Variants in SUFU observed in about 807,000 individuals in gnomAD.
The protein encoded by SUFU is SUFU negative regulator of hedgehog signaling.
In SUFU, 7 loss-of-function variants were observed where a neutral mutation model predicts 58.9. The observed-to-expected ratio is 0.12, with a 90% CI of 0.07 to 0.22. The LOEUF is 0.22. Ranked by LOEUF, SUFU falls within the 10% of genes least tolerant of loss-of-function variation. The pLI is 1.00. For missense variants in SUFU, 451 were observed against 641.3 expected (o/e 0.70, Z 3.20); for synonymous variants, 232 against 254.8 (o/e 0.91, Z 0.85).
At chr10:102,591,878 G>T (rs2063406561) in intron 3 of SUFU, among the ~76,000 whole-genome samples, 1 of 152,212 alleles carries the variant, frequency 6.6e-6, no homozygotes, top group African/African-American at 2.4e-5. Context: ...TTGAAGTGCA[G>T]TGGTGAGCCT....
chr10:102,521,901 G>A (rs991630504), intron 2 of SUFU, among the ~76,000 whole-genome samples: 1 of 152,168 alleles, frequency 6.6e-6, no homozygotes, highest in African/African-American at 2.4e-5. Flanking sequence ...TTAGAAATGG[G>A]AGAAAACAAT....
intron 10 of SUFU, among the ~76,000 whole-genome samples, chr10:102,624,738 C>G (rs1350632646): frequency 6.6e-6 from 1 of 152,180 alleles, no homozygotes; most frequent in Non-Finnish European, 1.5e-5. Context: ...CAGTTCCAGA[C>G]CTTTGTCAGG....
intron 3 of SUFU, among the ~76,000 whole-genome samples, chr10:102,554,230 T>G (rs983989583): frequency 1.8e-4 from 27 of 152,018 alleles, no homozygotes; most frequent in African/African-American, 6.5e-4. Context: ...TGGTGAAACC[T>G]CGTCTCTACT....
intron 3 of SUFU, among the ~76,000 whole-genome samples, chr10:102,571,633 T>C (rs1033180060): frequency 1.3e-5 from 2 of 152,210 alleles, no homozygotes; most frequent in Non-Finnish European, 2.9e-5. Context: ...GAGGTTGCAG[T>C]GAGTCAAGAT....
chr10:102,618,447 CCG>C (rs1238733111), intron 10 of SUFU: 1 of 152,648 alleles, frequency 6.6e-6, no homozygotes, highest in Non-Finnish European at 1.5e-5. Context: ...CCCTCTTCTC[CCG>C]CCACCACCAA....
chr10:102,549,895 A>G (rs2135742752), intron 2 of SUFU, 75 bp from the exon 3 acceptor site: 1 of 1,587,076 alleles, frequency 6.3e-7, no homozygotes, highest in Non-Finnish European at 8.6e-7. Context: ...AAAAAGGGGG[A>G]GAACTTTAGA....
At chr10:102,547,875 G>A (rs1239904391) in intron 2 of SUFU, among the ~76,000 whole-genome samples, 1 of 152,122 alleles carries the variant, frequency 6.6e-6, no homozygotes, top group Non-Finnish European at 1.5e-5. Context: ...GAGAGGCTGG[G>A]CATGGTGGCT....
chr10:102,611,278 T>C (rs530317411), intron 8 of SUFU, among the ~76,000 whole-genome samples: 1 of 152,334 alleles, frequency 6.6e-6, no homozygotes, highest in Admixed American at 6.5e-5. Flanking sequence ...TTCAGCTCGC[T>C]CTGGGCAACT....
chr10:102,595,746 C>T (rs2063454520), intron 6 of SUFU, among the ~76,000 whole-genome samples: 1 of 152,224 alleles, frequency 6.6e-6, no homozygotes, highest in African/African-American at 2.4e-5. Flanking sequence ...TCTGTATTCA[C>T]TGTGCCTTTC....
chr10:102,597,200 T>G lies in SUFU; in HGVS notation c.817T>G (p.Cys273Gly). 6.2e-7 allele frequency: 1 copy of G among 1,613,942 alleles called. No homozygotes were observed. Among genetic ancestry groups the G allele is most frequent in the East Asian group, 2.2e-5 (1 of 44,834 alleles). The part of the protein sequence containing the change: ...GSNLSGVSAK[C>G]AWDDLSRPPE... ...CAACCTGAGTGGTGTCAGTGCCAAG[T>G]GTGCCTGGGATGACCTGAGCCGGCC... Residue 273 changes from cysteine to glycine, a missense_variant, in exon 7 of 12, where the codon TGT becomes GGT. Physicochemically the swap from Cys to Gly is radical, Grantham distance 159. Coordinates refer to ENST00000369902, the MANE Select transcript of SUFU (RefSeq NM_016169.4).
At position 102,588,431 on chromosome 10, in the gene SUFU, A is replaced by G. The variant is rs550308751; in HGVS notation, c.455-4151A>G. The stretch of plus-strand genomic sequence containing the variant: ...AAAGAAAAGTAAATTAATGCCCACA[A>G]ATGTGAGAGTTTATTTCAGGCCTCT... On this transcript the variant is annotated intron_variant, in intron 3 of 11. Coordinates refer to ENST00000369902, the MANE Select transcript of SUFU (RefSeq NM_016169.4). Among the ~76,000 whole-genome samples the G allele has an allele frequency of 1.9e-4, 29 of 152,210 alleles. No homozygotes were observed. In the East Asian group the frequency reaches 1.9e-3, roughly 10 times the overall value.
chr10:102,543,368 TTC>T (rs2062823549), intron 2 of SUFU, among the ~76,000 whole-genome samples: 1 of 152,228 alleles, frequency 6.6e-6, no homozygotes, highest in African/African-American at 2.4e-5. Context: ...TGTGAATTTT[TTC>T]TATCAGGTTT....
chr10:102,560,734 A>C (rs1004670453), intron 3 of SUFU, among the ~76,000 whole-genome samples: 17 of 152,178 alleles, frequency 1.1e-4, no homozygotes, highest in African/African-American at 3.9e-4. Flanking sequence ...TTATTTAACC[A>C]GTCTTCTATT....
chr10:102,565,636 C>T (rs934069599), intron 3 of SUFU, among the ~76,000 whole-genome samples: 3 of 152,218 alleles, frequency 2.0e-5, no homozygotes, highest in Non-Finnish European at 4.4e-5. Flanking sequence ...GCTCCGCCTT[C>T]CAGGTTCACG....
chr10:102,542,099 G>C (rs539937995), intron 2 of SUFU, among the ~76,000 whole-genome samples: 1 of 149,930 alleles, frequency 6.7e-6, no homozygotes, highest in African/African-American at 2.4e-5. Context: ...GGTCAGGCTG[G>C]ACTTGAACTC....
At chr10:102,571,053 CAG>C (rs2063155002) in intron 3 of SUFU, among the ~76,000 whole-genome samples, 1 of 151,584 alleles carries the variant, frequency 6.6e-6, no homozygotes, top group Non-Finnish European at 1.5e-5. Flanking sequence ...GGTGAAAAAA[CAG>C]ATGCAGAGAA....
At chr10:102,594,088 C>G (rs1456614075) in intron 6 of SUFU, 23 bp downstream of exon 6, 1 of 1,612,066 alleles carries the variant, frequency 6.2e-7, no homozygotes, top group Admixed American at 1.7e-5. Context: ...TGAGGAAAAC[C>G]TTTCTAGCAC....
intron 8 of SUFU, among the ~76,000 whole-genome samples, chr10:102,609,697 G>C (rs1212452285): frequency 5.9e-5 from 9 of 152,170 alleles, no homozygotes; most frequent in African/African-American, 2.2e-4. Context: ...TTGACAAGAG[G>C]GTTGAATCTA....
At chr10:102,507,193 T>C (rs914206149) in intron 1 of SUFU, among the ~76,000 whole-genome samples, 10 of 152,176 alleles carry the variant, frequency 6.6e-5, no homozygotes, top group African/African-American at 2.4e-4. Context: ...AGGTTAAGCT[T>C]CTCTCCTTGA....
Sources: gnomAD v4.1 joint callset for allele counts (sites outside exome capture counted in the v4.1 genomes callset) on GRCh38, gnomAD v4.1.1 for gene constraint, MANE v1.5 for transcripts, NCBI Gene and HGNC (gene_info 2026-07-23, HGNC 2026-07-21) for gene names.